KLHL29: variants seen among roughly 807,000 people sequenced by gnomAD.
KLHL29 encodes kelch-like protein 29.
KLHL29 carries 21 observed loss-of-function variants against 80.4 expected under a neutral mutation model. The ratio of observed to expected loss-of-function variants is 0.26; its 90% CI spans 0.19 to 0.38. The LOEUF is 0.38. Among genes scored for constraint, KLHL29 ranks in the 10% least tolerant of loss-of-function variants. KLHL29 has a pLI of 1.00. For synonymous variants in KLHL29, 511 were observed against 526.8 expected (o/e 0.97, Z 0.41); for missense variants, 867 against 1,223.9 (o/e 0.71, Z 4.35).
At chr2:23,451,353 G>T (rs1446684350) in intron 1 of KLHL29, among the ~76,000 whole-genome samples, 1 of 152,190 alleles carries the variant, frequency 6.6e-6, no homozygotes, top group Non-Finnish European at 1.5e-5. Flanking sequence ...TTCTTGTCCT[G>T]TGTTCCCTGA....
chr2:23,685,122 C>T (rs909208913), intron 6 of KLHL29, among the ~76,000 whole-genome samples: 4 of 152,242 alleles, frequency 2.6e-5, no homozygotes, highest in East Asian at 1.9e-4. Flanking sequence ...CCTAAACCGG[C>T]GCTGTGGAGC....
Position 23,642,612 on chromosome 2 carries a change from C to T in KLHL29, c.702C>T (p.Ala234=), listed in dbSNP as rs377699314. 2.8e-5 allele frequency: 43 copies of T among 1,549,772 alleles called. No homozygotes were observed. The highest frequency in any genetic ancestry group is 1.9e-4 in the African/African-American group (14 of 73,052). The part of the protein sequence containing the change: ...QALYASPQPL[A]VSTLPGVGQV... The stretch of plus-strand genomic sequence containing the variant: ...TGTATGCCAGCCCTCAGCCCCTGGC[C>T]GTGTCCACACTGCCCGGTGTGGGGC... Residue 234 remains alanine (A), a synonymous_variant, in exon 5 of 14, where the codon GCC becomes GCT. Transcript: ENST00000486442.
At chr2:23,539,211 GTGTCTC>G (rs943495967) in intron 2 of KLHL29, among the ~76,000 whole-genome samples, 18 of 64,768 alleles carry the variant, frequency 2.8e-4, no homozygotes, top group South Asian at 2.5e-3. Flanking sequence ...ACAGCCCTAG[GTGTCTC>G]TGTTACGTTC....
At chr2:23,463,040 C>G (rs1402531079) in intron 1 of KLHL29, among the ~76,000 whole-genome samples, 1 of 149,064 alleles carries the variant, frequency 6.7e-6, no homozygotes, top group Non-Finnish European at 1.5e-5. Context: ...AGTAATTATT[C>G]AAACTTGTTC....
Position 23,670,931 on chromosome 2 carries a change from TCTCTC to T in KLHL29, c.941-13467_941-13463del, listed in dbSNP as rs1670710620. On this transcript the variant is annotated intron_variant, in intron 5 of 13. Coordinates refer to ENST00000486442, the MANE Select transcript of KLHL29 (RefSeq NM_052920.2). ...CACATGCACGCGCTCTCTCTCTCTCTCTCTCTCTCTCTCTCTCTCTCTCTCTCTCT... is the reference window on the plus strand; with the variant it reads ...CACATGCACGCGCTCTCTCTCTCTCTTCTCTCTCTCTCTCTCTCTCTCTCT... Among the ~76,000 whole-genome samples, 16 of 8,140 alleles carry T rather than the reference TCTCTC, an allele frequency of 2.0e-3. No homozygotes were observed. The South Asian group carries it at 0.036, about 18-fold the overall frequency. 5.3% of individuals were successfully genotyped at this position (8,140 alleles called of 152,430 possible).
rs941999987 is a variant in KLHL29, at chr2:23,385,611, G to T, written c.-323G>T. On this transcript the variant is annotated 5_prime_UTR_variant, in exon 1 of 14. Transcript: ENST00000486442. The stretch of plus-strand genomic sequence containing the variant: ...AGGAGGAACGAGGGGAGAAGGCGGA[G>T]AGCAGGAACGCGAGGAGGAGGACCT... 1.2e-5 allele frequency: 2 copies of T among 168,232 alleles called. No homozygotes were observed. Among genetic ancestry groups the T allele is most frequent in the South Asian group, 3.7e-4 (2 of 5,358 alleles). The allele number at this position is 168,232 out of a possible 1,614,324, so 10.4% of individuals were successfully genotyped here.
chr2:23,556,258 C>G (rs1667291607), intron 2 of KLHL29, among the ~76,000 whole-genome samples: 1 of 152,044 alleles, frequency 6.6e-6, no homozygotes, highest in African/African-American at 2.4e-5. Context: ...GAAACCGAAG[C>G]CTGATGTCTG....
rs558650400 is a variant in KLHL29, at chr2:23,681,777, C to T, written c.941-2622C>T. Among the ~76,000 whole-genome samples the T allele has an allele frequency of 6.6e-6, 1 of 152,134 alleles. No individual in the cohort carries two copies. Among genetic ancestry groups the T allele is most frequent in the East Asian group, 1.9e-4 (1 of 5,194 alleles). ...CCCAGAATTCTGTCCCCTCCCCTAC[C>T]GCTTCACTCAAAAAGGGGATGTCAT... is the stretch of plus-strand genomic sequence containing the variant. On this transcript the variant is annotated intron_variant, in intron 5 of 13. Transcript: ENST00000486442. The surrounding 1 kb of genome is among the most constrained non-coding windows in gnomAD (Gnocchi z 4.2).
At chr2:23,591,770 A>T (rs946576637) in intron 3 of KLHL29, among the ~76,000 whole-genome samples, 34 of 152,170 alleles carry the variant, frequency 2.2e-4, no homozygotes, top group Non-Finnish European at 4.9e-4. Context: ...CAATCAAGAT[A>T]GAACTCGCCT....
At chr2:23,582,443 A>T (rs1181066743) in intron 3 of KLHL29, among the ~76,000 whole-genome samples, 1 of 152,124 alleles carries the variant, frequency 6.6e-6, no homozygotes, top group Admixed American at 6.5e-5. Flanking sequence ...GAGGATGGGG[A>T]TGGTGAGAAG....
intron 3 of KLHL29, among the ~76,000 whole-genome samples, chr2:23,597,544 C>G (rs965119626): frequency 6.7e-6 from 1 of 149,096 alleles, no homozygotes; most frequent in African/African-American, 2.5e-5. Flanking sequence ...CTGCCTCAGC[C>G]TCACAAGTAG....
In KLHL29 at chr2:23,680,831, C is replaced by A. The variant is rs879715395; in HGVS notation, c.941-3568C>A. Among the ~76,000 whole-genome samples, 3 of 152,108 alleles carry A rather than the reference C, an allele frequency of 2.0e-5. No individual in the cohort carries two copies. The highest frequency in any genetic ancestry group is 7.2e-5 in the African/African-American group (3 of 41,414). The stretch of plus-strand genomic sequence containing the variant: ...TCTCCTGGGGTCTCTAGGCCATCAT[C>A]TTCTCCCGCAGAATCCTGGAGCAGG... On this transcript the variant is annotated intron_variant, in intron 5 of 13. Coordinates refer to ENST00000486442, the MANE Select transcript of KLHL29 (RefSeq NM_052920.2). This position sits in a 1 kb window ranked among gnomAD's most constrained non-coding sequence, Gnocchi z 4.1.
intron 1 of KLHL29, among the ~76,000 whole-genome samples, chr2:23,418,323 C>T (rs978424936): frequency 2.6e-5 from 4 of 152,144 alleles, no homozygotes; most frequent in Non-Finnish European, 4.4e-5. Context: ...CTGTAAGGAA[C>T]CCCCCTTGGG....
chr2:23,463,789 T>C (rs1248507594), intron 1 of KLHL29, among the ~76,000 whole-genome samples: 2 of 152,220 alleles, frequency 1.3e-5, no homozygotes, highest in African/African-American at 4.8e-5. Flanking sequence ...AAATATGCAC[T>C]GCGCTTCACA....
intron 5 of KLHL29, chr2:23,668,670 C>T (rs2098769): frequency 0.77 from 117,104 of 152,078 alleles, 47,627 homozygotes; most frequent in East Asian, 1. Context: ...CCACCTTTGC[C>T]GGGACAGGCG....
chr2:23,489,671 G>A (rs1665038945), intron 2 of KLHL29, among the ~76,000 whole-genome samples: 1 of 151,962 alleles, frequency 6.6e-6, no homozygotes, highest in South Asian at 2.1e-4. Context: ...GTGGTGGCAA[G>A]GCCCTTCCTG....
chr2:23,614,998 G>C (rs940615050), intron 3 of KLHL29, among the ~76,000 whole-genome samples: 2 of 152,216 alleles, frequency 1.3e-5, no homozygotes, highest in Non-Finnish European at 2.9e-5. Flanking sequence ...TCCAAAGCCC[G>C]TTCCAGCCAT....
chr2:23,465,433 C>A (rs1277891429), intron 1 of KLHL29, among the ~76,000 whole-genome samples: 2 of 152,206 alleles, frequency 1.3e-5, no homozygotes, highest in African/African-American at 4.8e-5. Context: ...ATTCATACTG[C>A]AGAAACAGCC....
intron 5 of KLHL29, among the ~76,000 whole-genome samples, chr2:23,646,620 G>A (rs1470483815): frequency 6.6e-6 from 1 of 152,148 alleles, no homozygotes; most frequent in Non-Finnish European, 1.5e-5. Context: ...CTCCCTTCTG[G>A]GAGGCCGTAC....
Sources: gnomAD v4.1 joint callset for allele counts (sites outside exome capture counted in the v4.1 genomes callset) on GRCh38, gnomAD v4.1.1 for gene constraint, Gnocchi (gnomAD v3.1) non-coding constraint, MANE v1.5 for transcripts, NCBI Gene and HGNC (gene_info 2026-07-23, HGNC 2026-07-21) for gene names.